SPMIP2: variants seen among roughly 807,000 people sequenced by gnomAD.
SPMIP2 encodes the protein sperm microtubule inner protein 2, also known as protein SPMIP2.
the SPMIP2 span, among the ~76,000 whole-genome samples, chr4:159,038,413 C>G: frequency 5.9e-5 from 9 of 152,108 alleles, no homozygotes; most frequent in Admixed American, 1.3e-4. Flanking sequence ...CTTTCATGTG[C>G]GTCAGGGCCA....
the SPMIP2 span, among the ~76,000 whole-genome samples, chr4:159,052,093 A>G: frequency 6.6e-6 from 1 of 152,166 alleles, no homozygotes; most frequent in Non-Finnish European, 1.5e-5. Context: ...AGTGCAAATG[A>G]TTCGGATGGA....
At chr4:159,005,216 C>T in the SPMIP2 span, among the ~76,000 whole-genome samples, 4 of 104,492 alleles carry the variant, frequency 3.8e-5, no homozygotes, top group Admixed American at 9.6e-5. Context: ...AGTGAGACTC[C>T]GCCTCAAAAA....
chr4:158,907,358 A>G, the SPMIP2 span: 1 of 152,308 alleles, frequency 6.6e-6, no homozygotes, highest in East Asian at 1.9e-4. Flanking sequence ...TAATCTTTTC[A>G]CATCCCATGG....
At chr4:159,007,348 G>C in the SPMIP2 span, 1 of 696,356 alleles carries the variant, frequency 1.4e-6, no homozygotes, top group Admixed American at 1.8e-5. Flanking sequence ...AGGATGATGA[G>C]ATGGAAACAG....
the SPMIP2 span, among the ~76,000 whole-genome samples, chr4:159,016,384 T>C: frequency 6.6e-6 from 1 of 152,224 alleles, no homozygotes; most frequent in Non-Finnish European, 1.5e-5. Context: ...TTTAGCCCAC[T>C]TATTATACTA....
the SPMIP2 span, among the ~76,000 whole-genome samples, chr4:158,975,829 T>C: frequency 6.6e-6 from 1 of 152,214 alleles, no homozygotes; most frequent in Non-Finnish European, 1.5e-5. Flanking sequence ...TTTCTAGTTC[T>C]GTTAAGAAAG....
the SPMIP2 span, among the ~76,000 whole-genome samples, chr4:159,001,804 C>T: frequency 6.6e-6 from 1 of 152,160 alleles, no homozygotes; most frequent in Admixed American, 6.6e-5. Context: ...CTGCAATGAA[C>T]ATTTGTGTGC....
At chr4:159,082,467 G>GTA in the SPMIP2 span, among the ~76,000 whole-genome samples, 877 of 149,344 alleles carry the variant, frequency 5.9e-3, 5 homozygotes, top group Non-Finnish European at 9.5e-3. Context: ...GTGTGTGTGT[G>GTA]TGTGTGTGTG....
chr4:158,969,942 G>C, the SPMIP2 span, among the ~76,000 whole-genome samples: 29 of 152,158 alleles, frequency 1.9e-4, no homozygotes, highest in Non-Finnish European at 7.4e-5. Context: ...GGACAAGGAA[G>C]AGCAAGGGAT....
the SPMIP2 span, among the ~76,000 whole-genome samples, chr4:158,951,917 C>G: frequency 2.5e-3 from 376 of 152,334 alleles, 1 homozygote; most frequent in African/African-American, 8.9e-3. Context: ...GGGGAAAAGG[C>G]TTAGGCTAGA....
chr4:159,082,276 T>C, the SPMIP2 span, among the ~76,000 whole-genome samples: 2 of 151,848 alleles, frequency 1.3e-5, no homozygotes, highest in African/African-American at 4.8e-5. Context: ...GAGGTTGCAG[T>C]GAGCTGAGAT....
At chr4:158,992,186 A>G in the SPMIP2 span, among the ~76,000 whole-genome samples, 547 of 152,324 alleles carry the variant, frequency 3.6e-3, 2 homozygotes, top group Middle Eastern at 0.027. Context: ...CTGTGTCCAG[A>G]CTCAGACCAG....
chr4:158,941,348 C>T, the SPMIP2 span, among the ~76,000 whole-genome samples: 1 of 152,164 alleles, frequency 6.6e-6, no homozygotes, highest in South Asian at 2.1e-4. Flanking sequence ...ACTATGAATG[C>T]CTCAACCAAG....
At chr4:158,929,842 G>T in the SPMIP2 span, among the ~76,000 whole-genome samples, 1 of 152,168 alleles carries the variant, frequency 6.6e-6, no homozygotes, top group South Asian at 2.1e-4. Context: ...TATTAATACT[G>T]ACTTTATAAT....
chr4:158,917,884 A>G, the SPMIP2 span, among the ~76,000 whole-genome samples: 1 of 151,604 alleles, frequency 6.6e-6, no homozygotes, highest in African/African-American at 2.4e-5. Flanking sequence ...AAGCCTGGCT[A>G]ATTTTTGTAT....
the SPMIP2 span, among the ~76,000 whole-genome samples, chr4:158,911,742 G>C: frequency 6.6e-6 from 1 of 152,084 alleles, no homozygotes; most frequent in Non-Finnish European, 1.5e-5. Flanking sequence ...CATCTTAACA[G>C]GATCCCCAAG....
the SPMIP2 span, among the ~76,000 whole-genome samples, chr4:158,947,274 A>G: frequency 6.6e-6 from 1 of 152,220 alleles, no homozygotes; most frequent in Non-Finnish European, 1.5e-5. Context: ...CTCCAAGAAA[A>G]AAAAAGCATG....
the SPMIP2 span, among the ~76,000 whole-genome samples, chr4:159,033,304 A>AG: frequency 2.6e-3 from 388 of 147,488 alleles, no homozygotes; most frequent in Non-Finnish European, 4.9e-3. Context: ...GGAAAGGGGG[A>AG]GGGGGGAATG....
chr4:158,922,919 G>A, the SPMIP2 span, among the ~76,000 whole-genome samples: 1 of 152,070 alleles, frequency 6.6e-6, no homozygotes, highest in Admixed American at 6.5e-5. Context: ...TCCTTTTTAT[G>A]ACCAAATAAT....
Sources: gnomAD v4.1 joint callset for allele counts (sites outside exome capture counted in the v4.1 genomes callset) on GRCh38, gnomAD v4.1.1 for gene constraint, MANE v1.5 for transcripts, NCBI Gene and HGNC (gene_info 2026-07-23, HGNC 2026-07-21) for gene names.